PSMG2: variants seen among roughly 807,000 people sequenced by gnomAD.
The protein encoded by PSMG2 is CD40 ligand-activated specific transcript 3.
PSMG2 carries 21 observed loss-of-function variants against 31.5 expected under a neutral mutation model. That is an observed-to-expected ratio of 0.67 (90% CI 0.47 to 0.96). The LOEUF (loss-of-function observed/expected upper bound fraction) is 0.96, where lower values mean the gene tolerates loss of function less well. PSMG2 is among the 40% of genes least tolerant of loss of function. PSMG2 has a pLI of 0.00. For synonymous variants in PSMG2, 120 were observed against 110.4 expected, an observed-to-expected ratio of 1.09 and a Z score of -0.54; for missense variants, 318 against 321.2, an observed-to-expected ratio of 0.99 and a Z score of 0.08.
upstream of PSMG2, chr18:12,702,740 C>G (rs2039515860): frequency 1.6e-6 from 1 of 619,558 alleles, no homozygotes. Context: ...CCGGCGGCGG[C>G]GGCGCCAACT....
At chr18:12,700,927 C>A, upstream of PSMG2, 1 of 1,575,486 alleles carries the variant, frequency 6.3e-7, no homozygotes, top group Non-Finnish European at 8.7e-7. Flanking sequence ...TACATATATA[C>A]TCTCATTTAT....
chr18:12,662,166 T>C (rs2038704442), intron 1 of PSMG2: 1 of 450,270 alleles, frequency 2.2e-6, no homozygotes, highest in Middle Eastern at 3.3e-4. Flanking sequence ...AGAGGCACAT[T>C]CACCTAGAAA....
At chr18:12,697,253 T>G in intron 1 of PSMG2, 2 of 1,613,692 alleles carry the variant, frequency 1.2e-6, no homozygotes, top group Non-Finnish European at 1.7e-6. Context: ...GTCAGACTGG[T>G]CACTCCATTT....
At chr18:12,664,170 G>GA (rs1020884864) in intron 1 of PSMG2, among the ~76,000 whole-genome samples, 4 of 127,190 alleles carry the variant, frequency 3.1e-5, no homozygotes, top group East Asian at 2.2e-4. Flanking sequence ...CATCTCAAAA[G>GA]AAAAAAGAGT....
At chr18:12,669,123 C>G (rs368472746) in intron 1 of PSMG2, among the ~76,000 whole-genome samples, 1 of 118,860 alleles carries the variant, frequency 8.4e-6, no homozygotes, top group Admixed American at 8.9e-5. Flanking sequence ...ACGGCAACCT[C>G]TTTTTTTTTG....
intron 1 of PSMG2, among the ~76,000 whole-genome samples, chr18:12,696,235 G>A (rs1466444732): frequency 6.6e-6 from 1 of 152,116 alleles, no homozygotes; most frequent in Non-Finnish European, 1.5e-5. Flanking sequence ...GCTGGGCGCG[G>A]TGACTCACGC....
intron 1 of PSMG2, chr18:12,691,394 A>T: frequency 2.5e-6 from 4 of 1,606,968 alleles, no homozygotes; most frequent in Non-Finnish European, 2.6e-6. Context: ...GAGTTGTGTG[A>T]GGGTCGAATT....
chr18:12,702,730 CCGG>C, upstream of PSMG2: 6 of 650,610 alleles, frequency 9.2e-6, no homozygotes, highest in Non-Finnish European at 1.5e-5. Flanking sequence ...AAATGAGGCC[CCGG>C]CGGCGGCGGC....
chr18:12,687,261 T>A (rs2039570717), intron 1 of PSMG2, among the ~76,000 whole-genome samples: 1 of 152,182 alleles, frequency 6.6e-6, no homozygotes, highest in East Asian at 1.9e-4. Flanking sequence ...CTGTTTGAAT[T>A]ATCAGAACCA....
Position 12,703,070 on chromosome 18 carries a change from G to A in PSMG2, c.-38G>A. On this transcript the variant is annotated 5_prime_UTR_variant, in exon 1 of 7. Coordinates refer to ENST00000317615, the MANE Select transcript of PSMG2 (RefSeq NM_020232.5). ...TTCTTGCTGCCCTCGTTCTTGCCAG[G>A]GCCGCGGTTAGTCCCTGCTGGCCAC... The A allele has an allele frequency of 6.2e-7, 1 of 1,604,482 alleles. No individual in the cohort carries two copies. Among genetic ancestry groups the A allele is most frequent in the South Asian group, 1.1e-5 (1 of 89,488 alleles).
At chr18:12,670,256 C>G (rs979408775) in intron 1 of PSMG2, among the ~76,000 whole-genome samples, 7 of 150,176 alleles carry the variant, frequency 4.7e-5, no homozygotes, top group Admixed American at 2.0e-4. Flanking sequence ...CTTGAACCTG[C>G]GAGGTGGAGG....
At chr18:12,687,542 C>T (rs2039585071) in intron 1 of PSMG2, among the ~76,000 whole-genome samples, 3 of 151,254 alleles carry the variant, frequency 2.0e-5, no homozygotes, top group Admixed American at 1.3e-4. Context: ...CAACCTCCGC[C>T]CATGGGTTCA....
At chr18:12,690,857 A>G (rs763369539) in intron 1 of PSMG2, among the ~76,000 whole-genome samples, 4 of 152,132 alleles carry the variant, frequency 2.6e-5, no homozygotes, top group Non-Finnish European at 2.9e-5. Context: ...CTTCAGTTAA[A>G]CATTACTGGT....
At chr18:12,692,060 A>C (rs1228418056) in intron 1 of PSMG2, 3 of 152,168 alleles carry the variant, frequency 2.0e-5, no homozygotes, top group Non-Finnish European at 4.4e-5. Flanking sequence ...TCACGCCTGT[A>C]ATCACAACAT....
At chr18:12,699,862 A>G (rs762421448), upstream of PSMG2, 1 of 1,595,584 alleles carries the variant, frequency 6.3e-7, no homozygotes, top group South Asian at 1.1e-5. Flanking sequence ...ATCAAAACAA[A>G]TAGGTTGTTT....
chr18:12,686,005 A>C (rs978146724), intron 1 of PSMG2: 20 of 294,814 alleles, frequency 6.8e-5, no homozygotes, highest in Non-Finnish European at 1.3e-5. Flanking sequence ...AATTGTTTAA[A>C]AATCTCAATA....
At chr18:12,717,949 A>T (rs569117405) in intron 3 of PSMG2, among the ~76,000 whole-genome samples, 2 of 152,044 alleles carry the variant, frequency 1.3e-5, no homozygotes, top group Non-Finnish European at 2.9e-5. Context: ...TGTCCATCAC[A>T]ATAGATTTTT....
chr18:12,718,086 G>A (rs1246832322), intron 3 of PSMG2, among the ~76,000 whole-genome samples: 1 of 147,380 alleles, frequency 6.8e-6, no homozygotes, highest in Non-Finnish European at 1.5e-5. Flanking sequence ...TCGGTTCACT[G>A]CAGCCTTCAC....
chr18:12,665,986 T>C (rs1419241040), intron 1 of PSMG2, among the ~76,000 whole-genome samples: 1 of 150,504 alleles, frequency 6.6e-6, no homozygotes, highest in Non-Finnish European at 1.5e-5. Flanking sequence ...TGAGCCACCG[T>C]GCCCGGCCCA....
Sources: gnomAD v4.1 joint callset for allele counts (sites outside exome capture counted in the v4.1 genomes callset) on GRCh38, gnomAD v4.1.1 for gene constraint, MANE v1.5 for transcripts, NCBI Gene and HGNC (gene_info 2026-07-23, HGNC 2026-07-21) for gene names.